Variants in FLT1 observed in about 807,000 individuals in gnomAD.
The protein encoded by FLT1 is fms related receptor tyrosine kinase 1.
Under a neutral mutation model 156.3 loss-of-function variants are expected in FLT1, and 49 were observed. That is an observed-to-expected ratio of 0.31 (90% CI 0.25 to 0.40). The LOEUF (loss-of-function observed/expected upper bound fraction) is 0.40. Among genes scored for constraint, FLT1 ranks in the 10% least tolerant of loss-of-function variants. The probability of loss-of-function intolerance (pLI) is 1.00; values close to 1 mark genes in which losing one functional copy is unlikely to be tolerated. For missense variants in FLT1, 1,322 were observed against 1,637.2 expected (o/e 0.81, Z 3.32); for synonymous variants, 594 against 583.8 (o/e 1.02, Z -0.25).
rs994195217 is a variant in FLT1 at position 28,386,018 on chromosome 13, A to G, written c.1970-987T>C. 4.8e-6 allele frequency: 5 copies of G among 1,052,430 alleles called. No homozygotes were observed. In the African/African-American group the frequency reaches 6.6e-5, roughly 14 times the overall value. The allele number at this position is 1,052,430 out of a possible 1,614,324, so 65.2% of individuals were successfully genotyped here. The stretch of plus-strand genomic sequence containing the variant: ...TCATTCCTTTCCCCTCTTGTTGGAA[A>G]TCCTGGAACAGAAATCAAAAGAGTT... On this transcript the variant is annotated intron_variant, in intron 13 of 29. Transcript: ENST00000282397.
chr13:28,433,982 A>T (rs1284151460), intron 5 of FLT1, 27 bp from the exon 6 acceptor site: 3 of 1,614,038 alleles, frequency 1.9e-6, no homozygotes, highest in African/African-American at 2.7e-5. Flanking sequence ...GAAATTTTTT[A>T]AAATTAAGAT....
intron 14 of FLT1, among the ~76,000 whole-genome samples, chr13:28,368,912 C>T (rs889314762): frequency 1.3e-5 from 2 of 151,220 alleles, no homozygotes; most frequent in Non-Finnish European, 3.0e-5. Context: ...ACCACGTTGG[C>T]CAGGCTGGTC....
intron 3 of FLT1, among the ~76,000 whole-genome samples, chr13:28,451,966 T>C (rs975622701): frequency 1.3e-5 from 2 of 152,178 alleles, no homozygotes; most frequent in Non-Finnish European, 2.9e-5. Context: ...CAGTCCATTG[T>C]TGCCAAGTGG....
At chr13:28,343,977 C>T (rs1198374075) in intron 16 of FLT1, among the ~76,000 whole-genome samples, 1 of 151,690 alleles carries the variant, frequency 6.6e-6, no homozygotes, top group Non-Finnish European at 1.5e-5. Context: ...ACCAAGAAGT[C>T]TTCTACCAGG....
At chr13:28,489,356 G>A (rs951895814) in intron 1 of FLT1, among the ~76,000 whole-genome samples, 2 of 152,142 alleles carry the variant, frequency 1.3e-5, no homozygotes, top group Non-Finnish European at 2.9e-5. Context: ...AACACTTACC[G>A]AGAGTCTCTG....
chr13:28,389,983 T>A lies in FLT1; in HGVS notation c.1782A>T (p.Thr594=), dbSNP rs774885540. 1.2e-6 allele frequency: 2 copies of A among 1,614,200 alleles called. No individual in the cohort carries two copies. The highest frequency in any genetic ancestry group is 1.6e-4 in the Middle Eastern group (1 of 6,062). Residue 594 remains threonine (T), a synonymous_variant, in exon 13 of 30, where the codon ACA becomes ACT. Transcript: ENST00000282397. ...YRDVTWILLR[T]VNNRTMHYSI... ...TGTAGTGCATTGTTCTGTTATTAACTGTCCGCAGTAAAATCCAAGTAACGT... is the reference window on the plus strand; with the variant it reads ...TGTAGTGCATTGTTCTGTTATTAACAGTCCGCAGTAAAATCCAAGTAACGT...
At chr13:28,357,868 C>CTTTTTTTTTTTTTTTTTTTTTTTTTTTT (rs57304530) in intron 14 of FLT1, among the ~76,000 whole-genome samples, 183 bp from the exon 15 acceptor site, 2 of 104,732 alleles carry the variant, frequency 1.9e-5, no homozygotes, top group African/African-American at 7.4e-5. Flanking sequence ...CTTTTCTTTC[C>CTTTTTTTTTTTTTTTTTTTTTTTTTTTT]TTTTTTTTTT....
At chr13:28,306,099 G>A (rs531340794) in intron 29 of FLT1, among the ~76,000 whole-genome samples, 42 of 152,316 alleles carry the variant, frequency 2.8e-4, no homozygotes, top group African/African-American at 8.9e-4. Context: ...AAGCTGCAGT[G>A]GCATTCGGTG....
chr13:28,340,950 G>A (rs1313203968), intron 16 of FLT1, among the ~76,000 whole-genome samples: 1 of 152,184 alleles, frequency 6.6e-6, no homozygotes, highest in East Asian at 1.9e-4. Flanking sequence ...CTATAACAGG[G>A]TACTAGGTGC....
intron 10 of FLT1, among the ~76,000 whole-genome samples, chr13:28,412,385 T>TTTCTTTCTTTCTTTCC (rs1566013163): frequency 0.06 from 5,010 of 83,770 alleles, 982 homozygotes; most frequent in Non-Finnish European, 0.086. Flanking sequence ...TCTTTCTTTC[T>TTTCTTTCTTTCTTTCC]TTCTTTCTTT....
intron 1 of FLT1, among the ~76,000 whole-genome samples, chr13:28,470,971 G>A (rs764455190): frequency 6.6e-6 from 1 of 152,136 alleles, no homozygotes; most frequent in Non-Finnish European, 1.5e-5. Context: ...GATTACAGAC[G>A]TGAGCCACCG....
intron 1 of FLT1, among the ~76,000 whole-genome samples, chr13:28,484,620 T>A (rs1466690322): frequency 6.6e-6 from 1 of 152,192 alleles, no homozygotes. Context: ...CACTTTAAGC[T>A]GGAGTAGCAG....
chr13:28,340,303 C>G (rs1041213841), intron 16 of FLT1, among the ~76,000 whole-genome samples: 1 of 152,110 alleles, frequency 6.6e-6, no homozygotes, highest in Non-Finnish European at 1.5e-5. Context: ...TTCATTTGTC[C>G]ATTGGTAGGA....
intron 19 of FLT1, 108 bp downstream of exon 19, chr13:28,329,507 C>T: frequency 1.3e-6 from 1 of 799,066 alleles, no homozygotes; most frequent in Non-Finnish European, 2.2e-6. Flanking sequence ...AGGCCGTTTT[C>T]CTGGAGGCGA....
At chr13:28,384,721 A>G (rs1252696246) in intron 14 of FLT1, among the ~76,000 whole-genome samples, 164 bp downstream of exon 14, 2 of 152,122 alleles carry the variant, frequency 1.3e-5, no homozygotes, top group Non-Finnish European at 2.9e-5. Flanking sequence ...TGGCCCAAAT[A>G]TTCCTCACTG....
intron 14 of FLT1, among the ~76,000 whole-genome samples, chr13:28,379,180 T>G (rs1366790620): frequency 6.6e-6 from 1 of 152,074 alleles, no homozygotes; most frequent in Admixed American, 6.6e-5. Flanking sequence ...CTGTTTCTAC[T>G]AAAAATGCAA....
chr13:28,331,932 T>TA (rs140118009), intron 18 of FLT1, among the ~76,000 whole-genome samples: 6,286 of 152,208 alleles, frequency 0.041, 322 homozygotes, highest in Admixed American at 0.15. Context: ...CTGAGCCTTT[T>TA]AAAAAAATCT....
At chr13:28,473,499 G>T (rs1342110300) in intron 1 of FLT1, among the ~76,000 whole-genome samples, 1 of 151,722 alleles carries the variant, frequency 6.6e-6, no homozygotes, top group Non-Finnish European at 1.5e-5. Context: ...ACAAAAATTA[G>T]CCAGGCATGG....
intron 11 of FLT1, among the ~76,000 whole-genome samples, chr13:28,403,232 T>G (rs6491282): frequency 6.6e-6 from 1 of 152,150 alleles, no homozygotes. Context: ...AGAGAGGAAG[T>G]GTCGTAGTTT....
Sources: allele counts gnomAD v4.1 joint callset (sites outside exome capture counted in the v4.1 genomes callset), GRCh38; gene constraint gnomAD v4.1.1; transcripts MANE v1.5; gene names NCBI Gene and HGNC (gene_info 2026-07-23, HGNC 2026-07-21).